Variants in THSD7B observed in about 807,000 individuals in gnomAD.
THSD7B encodes the protein thrombospondin type 1 domain containing 7B.
A neutral mutation model predicts 213.6 loss-of-function variants in THSD7B; 138 were observed. The observed-to-expected ratio is 0.65, with a 90% CI of 0.56 to 0.74. The LOEUF is 0.74. THSD7B is among the 30% of genes least tolerant of loss of function. The probability of loss-of-function intolerance (pLI) is 0.00; values close to 1 mark genes in which losing one functional copy is unlikely to be tolerated. For missense variants in THSD7B, 1,931 were observed against 1,991.5 expected (o/e 0.97, Z 0.58); for synonymous variants, 742 against 687.0 (o/e 1.08, Z -1.25).
chr2:137,084,451 A>G (rs561063583), intron 3 of THSD7B, among the ~76,000 whole-genome samples: 5 of 152,304 alleles, frequency 3.3e-5, no homozygotes, highest in Non-Finnish European at 4.4e-5. Flanking sequence ...TACAGGGCAT[A>G]GCTGCGTTGG....
chr2:137,674,996 T>TTTAA (rs1346133997), intron 27 of THSD7B, among the ~76,000 whole-genome samples: 2 of 152,206 alleles, frequency 1.3e-5, no homozygotes, highest in African/African-American at 4.8e-5. Flanking sequence ...CTACAACCAT[T>TTTAA]TTAATTTTAT....
chr2:136,980,227 C>T (rs1369873872), intron 2 of THSD7B, among the ~76,000 whole-genome samples: 1 of 152,186 alleles, frequency 6.6e-6, no homozygotes, highest in Non-Finnish European at 1.5e-5. Context: ...AGGTCTCACC[C>T]AGTCAGGAGG....
chr2:137,066,959 C>T (rs1388987293), intron 3 of THSD7B, among the ~76,000 whole-genome samples: 3 of 152,046 alleles, frequency 2.0e-5, no homozygotes, highest in Non-Finnish European at 2.9e-5. Context: ...TCCTAAACTC[C>T]GTCCAGTCTG....
At chr2:137,552,052 T>A (rs891081786) in intron 15 of THSD7B, among the ~76,000 whole-genome samples, 4 of 152,178 alleles carry the variant, frequency 2.6e-5, no homozygotes, top group Non-Finnish European at 5.9e-5. Flanking sequence ...TAACCCACCA[T>A]CTTCCCACAA....
At chr2:136,775,808 G>A (rs1158093170) in intron 1 of THSD7B, among the ~76,000 whole-genome samples, 1 of 152,126 alleles carries the variant, frequency 6.6e-6, no homozygotes, top group African/African-American at 2.4e-5. Flanking sequence ...AGAATATGCT[G>A]CATTGCTAGT....
intron 1 of THSD7B, among the ~76,000 whole-genome samples, chr2:136,817,518 C>T (rs1325226191): frequency 1.2e-4 from 17 of 146,450 alleles, no homozygotes; most frequent in African/African-American, 4.1e-4. Flanking sequence ...AGTCTTTAAT[C>T]CATCTTGAAT....
At chr2:136,966,000 T>G (rs1018005473) in intron 2 of THSD7B, among the ~76,000 whole-genome samples, 1 of 152,164 alleles carries the variant, frequency 6.6e-6, no homozygotes, top group Non-Finnish European at 1.5e-5. Context: ...TGCTCTAATT[T>G]TTCAAGACCA....
intron 27 of THSD7B, among the ~76,000 whole-genome samples, chr2:137,670,121 T>C (rs1683531239): frequency 6.6e-6 from 1 of 152,222 alleles, no homozygotes; most frequent in South Asian, 2.1e-4. Context: ...TATTTATGCA[T>C]ATTGTATCTC....
rs78114267 is a variant in THSD7B at position 136,957,495 on chromosome 2, C to T, written c.139+75178C>T. On this transcript the variant is annotated intron_variant, in intron 2 of 27. Coordinates refer to ENST00000409968, the MANE Select transcript of THSD7B (RefSeq NM_001316349.2). ...AATTATTATCATAATAATTTTCTTT[C>T]TGAAACTAGTACCAGAAAGAGTCCC... Among the ~76,000 whole-genome samples the T allele has an allele frequency of 8.0e-3, 1,102 of 138,492 alleles. 14 individuals carry two copies. Among genetic ancestry groups the T allele is most frequent in the African/African-American group, 0.028 (1,027 of 37,164 alleles). 90.9% of individuals were successfully genotyped at this position (138,492 alleles called of 152,430 possible). A position where few individuals can be genotyped will look rare whatever the true frequency, so the allele number is the denominator to read the frequency against.
chr2:137,370,505 G>A (rs1458463395), intron 12 of THSD7B, among the ~76,000 whole-genome samples: 1 of 152,126 alleles, frequency 6.6e-6, no homozygotes, highest in Admixed American at 6.6e-5. Context: ...GTCTCACTCT[G>A]TTGCCCAGTC....
intron 1 of THSD7B, among the ~76,000 whole-genome samples, chr2:136,875,106 G>A (rs1683505717): frequency 1.3e-5 from 2 of 152,174 alleles, no homozygotes; most frequent in Admixed American, 6.5e-5. Context: ...TGGTTCAGTG[G>A]AGTAGGACAC....
Position 137,117,379 on chromosome 2 carries a change from A to G in THSD7B, c.1369+2086A>G, listed in dbSNP as rs151256735. 3.1e-3 allele frequency among the ~76,000 whole-genome samples: 465 copies of G among 152,338 alleles called. 5 individuals carry two copies. Among genetic ancestry groups the G allele is most frequent in the Admixed American group, 0.023 (350 of 15,300 alleles). ...GTATTTGCCCAGTGAAGTAAGCAGA[A>G]TATAAATATTTTTTATCTGTCAATG... On this transcript the variant is annotated intron_variant, in intron 5 of 27. Coordinates refer to ENST00000409968, the MANE Select transcript of THSD7B (RefSeq NM_001316349.2).
intron 12 of THSD7B, among the ~76,000 whole-genome samples, chr2:137,360,498 G>A (rs1394994991): frequency 6.6e-6 from 1 of 152,116 alleles, no homozygotes; most frequent in Non-Finnish European, 1.5e-5. Flanking sequence ...GGAAAATCGG[G>A]ACACTGCCAC....
intron 2 of THSD7B, among the ~76,000 whole-genome samples, chr2:136,977,808 T>TGTTTTTTG (rs1553461921): frequency 0.2 from 18,321 of 92,492 alleles, 1,681 homozygotes; most frequent in East Asian, 0.4. Context: ...TTTGTTTTTT[T>TGTTTTTTG]TTTTTTTTTT....
intron 2 of THSD7B, among the ~76,000 whole-genome samples, chr2:136,919,208 T>C (rs904107855): frequency 6.6e-6 from 1 of 152,230 alleles, no homozygotes; most frequent in Non-Finnish European, 1.5e-5. Flanking sequence ...TTGACTACAG[T>C]TGGCAATCTC....
intron 20 of THSD7B, among the ~76,000 whole-genome samples, chr2:137,630,236 T>C (rs1573753808): frequency 2.0e-5 from 3 of 152,178 alleles, no homozygotes; most frequent in African/African-American, 7.2e-5. Context: ...TCAAGCAATC[T>C]GCCTGCCTCG....
At chr2:137,575,700 T>C (rs1250570086) in intron 17 of THSD7B, among the ~76,000 whole-genome samples, 1 of 133,612 alleles carries the variant, frequency 7.5e-6, no homozygotes, top group Non-Finnish European at 1.7e-5. Context: ...TTTATGTTCA[T>C]GTTTTTTCTT....
intron 9 of THSD7B, among the ~76,000 whole-genome samples, chr2:137,233,566 T>C (rs1681692804): frequency 6.6e-6 from 1 of 152,232 alleles, no homozygotes; most frequent in South Asian, 2.1e-4. Context: ...GATACATCCA[T>C]ACAGCCATTC....
intron 7 of THSD7B, among the ~76,000 whole-genome samples, chr2:137,229,080 G>T (rs928804330): frequency 6.6e-6 from 1 of 152,022 alleles, no homozygotes. Flanking sequence ...ATGTATATTG[G>T]CATTTTCAAC....
Sources: gnomAD v4.1 joint callset for allele counts (sites outside exome capture counted in the v4.1 genomes callset) on GRCh38, gnomAD v4.1.1 for gene constraint, MANE v1.5 for transcripts, NCBI Gene and HGNC (gene_info 2026-07-23, HGNC 2026-07-21) for gene names.